The following NR2F1-AS1 variants were observed in gnomAD, a reference collection of about 807,000 sequenced individuals.
The protein encoded by NR2F1-AS1 is NR2F1 antisense RNA 1.
At chr5:93,570,997 G>A (rs974408849) in intron 1 of NR2F1-AS1, 1 of 152,242 alleles carries the variant, frequency 6.6e-6, no homozygotes, top group Non-Finnish European at 1.5e-5. Context: ...GCCCTTCCGG[G>A]GTCAGGGTCG....
At chr5:93,453,182 T>C (rs944206020) in intron 4 of NR2F1-AS1, among the ~76,000 whole-genome samples, 5 of 151,924 alleles carry the variant, frequency 3.3e-5, no homozygotes, top group African/African-American at 1.2e-4. Flanking sequence ...AAAATTACAT[T>C]GGATCATATA....
chr5:93,533,792 A>C (rs545316631), intron 4 of NR2F1-AS1, among the ~76,000 whole-genome samples: 1 of 152,330 alleles, frequency 6.6e-6, no homozygotes, highest in Admixed American at 6.5e-5. Flanking sequence ...AGAAAGGCTT[A>C]AAATTTGGCC....
intron 1 of NR2F1-AS1, among the ~76,000 whole-genome samples, chr5:93,574,917 G>A (rs1752862313): frequency 6.6e-6 from 1 of 152,206 alleles, no homozygotes; most frequent in Non-Finnish European, 1.5e-5. Context: ...AAACATATCC[G>A]TTGGGGTTCA....
intron 4 of NR2F1-AS1, among the ~76,000 whole-genome samples, chr5:93,453,340 T>C (rs745399512): frequency 1.3e-5 from 2 of 151,862 alleles, no homozygotes; most frequent in Non-Finnish European, 2.9e-5. Context: ...CTAATATATA[T>C]GTAACTGGAG....
At chr5:93,450,473 C>T (rs1749802562) in intron 4 of NR2F1-AS1, among the ~76,000 whole-genome samples, 1 of 152,162 alleles carries the variant, frequency 6.6e-6, no homozygotes, top group African/African-American at 2.4e-5. Flanking sequence ...TAAACTGACT[C>T]TACTCTAAGC....
chr5:93,410,164 T>C (rs954190415), intron 4 of NR2F1-AS1: 5 of 152,210 alleles, frequency 3.3e-5, no homozygotes, highest in Non-Finnish European at 7.3e-5. Flanking sequence ...ATTTAACTTA[T>C]GGAACACGAA....
At chr5:93,535,264 A>G (rs1372108403) in intron 4 of NR2F1-AS1, among the ~76,000 whole-genome samples, 1 of 152,016 alleles carries the variant, frequency 6.6e-6, no homozygotes, top group African/African-American at 2.4e-5. Context: ...ATAAGTTAAA[A>G]AATGTATTAG....
intron 2 of NR2F1-AS1, among the ~76,000 whole-genome samples, chr5:93,558,369 G>A (rs1752411290): frequency 6.7e-6 from 1 of 149,322 alleles, no homozygotes; most frequent in South Asian, 2.1e-4. Flanking sequence ...CGCCCAGGCT[G>A]GAGTGCAGTG....
intron 4 of NR2F1-AS1, among the ~76,000 whole-genome samples, chr5:93,466,909 G>GGC (rs939721322): frequency 1.5e-5 from 2 of 136,696 alleles, no homozygotes; most frequent in Non-Finnish European, 3.2e-5. Context: ...TTTTTTGGGG[G>GGC]GGGGGGGGGT....
intron 4 of NR2F1-AS1, among the ~76,000 whole-genome samples, chr5:93,466,162 G>A (rs975153505): frequency 1.3e-5 from 2 of 151,804 alleles, no homozygotes; most frequent in African/African-American, 2.4e-5. Flanking sequence ...TGAGGCCTTC[G>A]CAACAGAATG....
chr5:93,450,337 G>A (rs959306992), intron 4 of NR2F1-AS1, among the ~76,000 whole-genome samples: 2 of 152,028 alleles, frequency 1.3e-5, no homozygotes, highest in Non-Finnish European at 2.9e-5. Flanking sequence ...TTTTATAAGA[G>A]TTTAGTTGTT....
intron 4 of NR2F1-AS1, among the ~76,000 whole-genome samples, chr5:93,507,126 GA>G (rs560217505): frequency 5.9e-4 from 90 of 151,556 alleles, no homozygotes; most frequent in Middle Eastern, 6.8e-3. Flanking sequence ...AAAGACACAG[GA>G]AAAAAAATTC....
chr5:93,486,452 A>C (rs1285044086), intron 4 of NR2F1-AS1, among the ~76,000 whole-genome samples: 1 of 152,142 alleles, frequency 6.6e-6, no homozygotes, highest in Non-Finnish European at 1.5e-5. Context: ...ACCATCAGAG[A>C]ATACTATAAA....
intron 4 of NR2F1-AS1, among the ~76,000 whole-genome samples, chr5:93,549,192 A>G (rs868741244): frequency 3.3e-5 from 5 of 152,216 alleles, no homozygotes; most frequent in South Asian, 2.1e-4. Flanking sequence ...AATTTTAAAG[A>G]GAACAAAATA....
intron 4 of NR2F1-AS1, among the ~76,000 whole-genome samples, chr5:93,527,823 T>C (rs1751652130): frequency 6.6e-6 from 1 of 152,148 alleles, no homozygotes; most frequent in African/African-American, 2.4e-5. Context: ...GACCCCTTCC[T>C]TACACCTTAC....
intron 4 of NR2F1-AS1, among the ~76,000 whole-genome samples, chr5:93,480,569 G>A (rs1156833810): frequency 6.6e-6 from 1 of 152,124 alleles, no homozygotes; most frequent in Admixed American, 6.5e-5. Context: ...AAAAGTCACT[G>A]ATAAGGTAAC....
In NR2F1-AS1 at chr5:93,526,714, T is replaced by C. The variant is rs979211274; in HGVS notation, n.638+27047A>G. Reference sequence around the variant, plus strand: ...AACATATGCAAATCAATAAACGTAATACATCACATAAACAGATCTGATGAC... The same window carrying C: ...AACATATGCAAATCAATAAACGTAACACATCACATAAACAGATCTGATGAC... On this transcript the variant is annotated intron_variant and non_coding_transcript_variant, in intron 4 of 5. Transcript: ENST00000660523. 5.9e-5 allele frequency among the ~76,000 whole-genome samples: 9 copies of C among 152,218 alleles called. 1 individual carries two copies. The South Asian group carries it at 6.2e-4, about 11-fold the overall frequency.
chr5:93,527,375 G>A (rs1195369986), intron 4 of NR2F1-AS1, among the ~76,000 whole-genome samples: 1 of 152,230 alleles, frequency 6.6e-6, no homozygotes, highest in Non-Finnish European at 1.5e-5. Flanking sequence ...AACATTCCAT[G>A]CTCATGGATA....
upstream of NR2F1-AS1, chr5:93,583,839 T>C (rs1753173272): frequency 6.6e-6 from 1 of 152,426 alleles, no homozygotes; most frequent in Non-Finnish European, 1.5e-5. Flanking sequence ...TTCTGATTTT[T>C]ATTTTTTCTA....
Sources: allele counts gnomAD v4.1 joint callset (sites outside exome capture counted in the v4.1 genomes callset), GRCh38; gene constraint gnomAD v4.1.1; transcripts MANE v1.5; gene names NCBI Gene and HGNC (gene_info 2026-07-23, HGNC 2026-07-21).